The following DNAH11 variants were observed in gnomAD, a reference collection of about 807,000 sequenced individuals.
DNAH11 encodes dynein axonemal heavy chain 11.
Under a neutral mutation model 526.0 loss-of-function variants are expected in DNAH11, and 442 were observed. The ratio of observed to expected loss-of-function variants is 0.84; its 90% CI spans 0.78 to 0.91. The LOEUF is 0.91. DNAH11 is among the 40% of genes least tolerant of loss of function. DNAH11 has a pLI of 0.00. For synonymous variants in DNAH11, 2,461 were observed against 1,935.9 expected (o/e 1.27, Z -7.12); for missense variants, 6,989 against 5,448.7 (o/e 1.28, Z -8.90).
intron 42 of DNAH11, among the ~76,000 whole-genome samples, chr7:21,716,797 C>T (rs1040832640): frequency 6.6e-6 from 1 of 152,142 alleles, no homozygotes; most frequent in Admixed American, 6.5e-5. Context: ...TTCTCTTGGA[C>T]CTGAAAAAGT....
chr7:21,643,129 A>G (rs984741941), intron 28 of DNAH11, among the ~76,000 whole-genome samples: 4 of 152,196 alleles, frequency 2.6e-5, no homozygotes, highest in Admixed American at 6.5e-5. Flanking sequence ...ATAGCTATGG[A>G]CAACTGGCCT....
chr7:21,716,724 G>A (rs556917691), intron 42 of DNAH11, among the ~76,000 whole-genome samples: 4 of 152,218 alleles, frequency 2.6e-5, no homozygotes, highest in Admixed American at 6.5e-5. Context: ...TCCCACTGTC[G>A]CTACCACACA....
intron 25 of DNAH11, among the ~76,000 whole-genome samples, chr7:21,623,545 G>A (rs1786182611): frequency 6.6e-6 from 1 of 152,128 alleles, no homozygotes; most frequent in African/African-American, 2.4e-5. Context: ...ATTCACAATA[G>A]CAAAGACTTG....
chr7:21,712,338 A>T (rs1370433595), intron 42 of DNAH11, among the ~76,000 whole-genome samples: 1 of 152,224 alleles, frequency 6.6e-6, no homozygotes, highest in Non-Finnish European at 1.5e-5. Context: ...GCTGCTGTAA[A>T]CATGGGTATA....
rs546720466 is a variant in DNAH11, at chr7:21,831,298, C to A, written c.10692-11246C>A. On this transcript the variant is annotated intron_variant, in intron 65 of 81. Transcript: ENST00000409508. Reference sequence around the variant, plus strand: ...AGAAACAACAAAGTGATTCTGTTTGCTTTTCCCACCCCTCTGGTTAACTTT... The same window carrying A: ...AGAAACAACAAAGTGATTCTGTTTGATTTTCCCACCCCTCTGGTTAACTTT... Among the ~76,000 whole-genome samples the A allele has an allele frequency of 1.8e-4, 28 of 152,172 alleles. 1 individual carries two copies. Among genetic ancestry groups the A allele is most frequent in the Middle Eastern group, 3.2e-3 (1 of 314 alleles).
rs918973822 is a variant in DNAH11 at position 21,650,956 on chromosome 7, A to T, written c.4945-4876A>T. On this transcript the variant is annotated intron_variant, in intron 28 of 81. Coordinates refer to ENST00000409508, the MANE Select transcript of DNAH11 (RefSeq NM_001277115.2). ...TGCCGGGCCCAAAACTGTTATTTTA[A>T]AAAAAAAAAAAAACACATGCAACTA... Among the ~76,000 whole-genome samples, 259 of 53,168 alleles carry T rather than the reference A, an allele frequency of 4.9e-3. 2 individuals are homozygous for T. The East Asian group carries it at 0.07, about 14-fold the overall frequency. The allele number at this position is 53,168 out of a possible 152,430, so 34.9% of individuals were successfully genotyped here.
rs1336091189 is a variant in DNAH11 at position 21,800,098 on chromosome 7, CAAG to C, written c.10027-1035_10027-1033del. Among the ~76,000 whole-genome samples, 4 of 152,196 alleles carry C rather than the reference CAAG, an allele frequency of 2.6e-5. No homozygotes were observed. In the East Asian group the frequency reaches 7.7e-4, roughly 29 times the overall value. Reference sequence around the variant, plus strand: ...CAGGGGACCCAAGAGATCCAGGAAACAAGAAGCTGCCATGAACTTCTCTTGGAG... The same window carrying C: ...CAGGGGACCCAAGAGATCCAGGAAACAAGCTGCCATGAACTTCTCTTGGAG... On this transcript the variant is annotated intron_variant, in intron 61 of 81. Coordinates refer to ENST00000409508, the MANE Select transcript of DNAH11 (RefSeq NM_001277115.2).
At chr7:21,741,223 T>C in intron 48 of DNAH11, among the ~76,000 whole-genome samples, 1 of 152,232 alleles carries the variant, frequency 6.6e-6, no homozygotes, top group Non-Finnish European at 1.5e-5. Flanking sequence ...AGGCTTTTTT[T>C]TCCACGTAGC....
At chr7:21,838,007 C>G (rs1417512109) in intron 65 of DNAH11, among the ~76,000 whole-genome samples, 2 of 152,142 alleles carry the variant, frequency 1.3e-5, no homozygotes, top group Non-Finnish European at 2.9e-5. Context: ...CATACACATC[C>G]TGAAGTTAGG....
rs758580853 is a variant in DNAH11, at chr7:21,744,568, G to A, written c.8285G>A (p.Arg2762Lys). ...DKKDCDLFQR[R>K]MLETAYKYFE... is the part of the protein sequence containing the mutation. ...AAAGATTGTGATTTGTTTCAGAGAAGAATGCTGGAAACTGCTTATAAATAT... is the reference window on the plus strand; with the variant it reads ...AAAGATTGTGATTTGTTTCAGAGAAAAATGCTGGAAACTGCTTATAAATAT... Residue 2762 changes from arginine (R) to lysine (K), a missense_variant, in exon 50 of 82, where the codon AGA becomes AAA. Transcript: ENST00000409508. 1 of 1,613,504 alleles carries A rather than the reference G, an allele frequency of 6.2e-7. No individual in the cohort carries two copies. The highest frequency in any genetic ancestry group is 1.1e-5 in the South Asian group (1 of 90,866).
chr7:21,600,235 G>C (rs1045789890), intron 15 of DNAH11, 116 bp downstream of exon 15: 3 of 878,938 alleles, frequency 3.4e-6, no homozygotes, highest in Non-Finnish European at 4.9e-6. Context: ...TGAGGCAAGA[G>C]GATTGCTTGG....
At chr7:21,616,929 C>A (rs1470291486) in intron 22 of DNAH11, among the ~76,000 whole-genome samples, 2 of 152,134 alleles carry the variant, frequency 1.3e-5, no homozygotes, top group Non-Finnish European at 2.9e-5. Flanking sequence ...TTTTTCCACC[C>A]CAGGGCTTCC....
At chr7:21,837,778 G>T (rs547222866) in intron 65 of DNAH11, among the ~76,000 whole-genome samples, 1 of 152,194 alleles carries the variant, frequency 6.6e-6, no homozygotes, top group Non-Finnish European at 1.5e-5. Flanking sequence ...GCACAGTAGG[G>T]TGACTATAGT....
chr7:21,873,481 G>A lies in DNAH11; in HGVS notation c.12175G>A (p.Ala4059Thr), dbSNP rs142372794. Residue 4059 changes from alanine (A) to threonine (T), a missense_variant, in exon 74 of 82, where the codon GCC becomes ACC. By Grantham distance (58) the Ala-to-Thr change is moderately conservative. Transcript: ENST00000409508. ...PTGMLANLHA[A>T]LYNFDQDTLE... is the part of the protein sequence containing the mutation. ...AGGGATGCTGGCCAATTTGCATGCC[G>A]CCCTGTACAACTTTGATCAGGTAAG... The A allele has an allele frequency of 5.9e-4, 959 of 1,613,916 alleles. No individual in the cohort carries two copies. Among genetic ancestry groups the A allele is most frequent in the African/African-American group, 5.1e-3 (379 of 75,040 alleles).
intron 35 of DNAH11, among the ~76,000 whole-genome samples, chr7:21,694,128 T>G (rs1465015556): frequency 6.6e-6 from 1 of 152,204 alleles, no homozygotes; most frequent in Non-Finnish European, 1.5e-5. Context: ...AGATTTGGGT[T>G]GGGACACAGA....
rs73271656 is a variant in DNAH11 at position 21,648,975 on chromosome 7, A to G, written c.4945-6857A>G. On this transcript the variant is annotated intron_variant, in intron 28 of 81. Coordinates refer to ENST00000409508, the MANE Select transcript of DNAH11 (RefSeq NM_001277115.2). ...ATCATAAGTTAATGTGTTTCTCTTT[A>G]CTTAAAATACTCTGCCTAGTAAAGT... is the stretch of plus-strand genomic sequence containing the variant. Among the ~76,000 whole-genome samples the G allele has an allele frequency of 3.4e-3, 517 of 152,236 alleles. 3 individuals carry two copies. The highest frequency in any genetic ancestry group is 0.012 in the African/African-American group (502 of 41,530).
At chr7:21,612,449 G>A (rs1052155021) in intron 20 of DNAH11, among the ~76,000 whole-genome samples, 1 of 151,482 alleles carries the variant, frequency 6.6e-6, no homozygotes. Context: ...CAGCTACTCA[G>A]GGGGCTGAAG....
intron 58 of DNAH11, 67 bp from the exon 59 acceptor site, chr7:21,786,557 C>A: frequency 6.6e-7 from 1 of 1,509,334 alleles, no homozygotes. Flanking sequence ...TGCTTGGCAA[C>A]TTACAGAGCT....
chr7:21,752,600 G>A (rs1171166188), intron 54 of DNAH11, among the ~76,000 whole-genome samples: 2 of 152,028 alleles, frequency 1.3e-5, no homozygotes, highest in Non-Finnish European at 2.9e-5. Flanking sequence ...TTTTTTAAAG[G>A]TTTACATGTT....
Sources: allele counts gnomAD v4.1 joint callset (sites outside exome capture counted in the v4.1 genomes callset), GRCh38; gene constraint gnomAD v4.1.1; transcripts MANE v1.5; gene names NCBI Gene and HGNC (gene_info 2026-07-23, HGNC 2026-07-21).